VWC2L: variants seen among roughly 807,000 people sequenced by gnomAD.
VWC2L encodes the protein von Willebrand factor C domain-containing protein 2-like.
In VWC2L, 10 loss-of-function variants were observed where a neutral mutation model predicts 21.6. That is an observed-to-expected ratio of 0.46 (90% CI 0.29 to 0.78). The LOEUF (loss-of-function observed/expected upper bound fraction) is 0.78, where lower values mean the gene tolerates loss of function less well. Among genes scored for constraint, VWC2L ranks in the 30% least tolerant of loss-of-function variants. The probability of loss-of-function intolerance (pLI) is 0.10; values close to 1 mark genes in which losing one functional copy is unlikely to be tolerated. For synonymous variants in VWC2L, 96 were observed against 94.3 expected (o/e 1.02, Z -0.10); for missense variants, 209 against 277.1 (o/e 0.75, Z 1.74).
At chr2:214,445,590 A>G (rs1426258933) in intron 3 of VWC2L, among the ~76,000 whole-genome samples, 1 of 151,686 alleles carries the variant, frequency 6.6e-6, no homozygotes, top group Non-Finnish European at 1.5e-5. Flanking sequence ...AAATACATGT[A>G]TAGGAAAAAG....
chr2:214,534,900 AC>A (rs969387356), intron 3 of VWC2L, among the ~76,000 whole-genome samples: 3 of 152,082 alleles, frequency 2.0e-5, no homozygotes, highest in Non-Finnish European at 4.4e-5. Context: ...ATTAGTGAAA[AC>A]AAGGGAAATT....
intron 3 of VWC2L, among the ~76,000 whole-genome samples, chr2:214,474,989 T>C (rs1688489624): frequency 6.6e-6 from 1 of 152,102 alleles, no homozygotes; most frequent in Admixed American, 6.6e-5. Flanking sequence ...CAGAGAGAAT[T>C]AGGAATCTGG....
intron 3 of VWC2L, among the ~76,000 whole-genome samples, chr2:214,563,909 C>T (rs1690020402): frequency 6.6e-6 from 1 of 152,094 alleles, no homozygotes; most frequent in South Asian, 2.1e-4. Flanking sequence ...TGTCTTTGTT[C>T]ACTGATGACA....
At chr2:214,565,272 A>G (rs1559332959) in intron 3 of VWC2L, among the ~76,000 whole-genome samples, 1 of 152,214 alleles carries the variant, frequency 6.6e-6, no homozygotes, top group South Asian at 2.1e-4. Flanking sequence ...AGATATTTAG[A>G]TAAATATCTT....
intron 3 of VWC2L, among the ~76,000 whole-genome samples, chr2:214,512,539 C>G (rs575737303): frequency 6.6e-6 from 1 of 151,998 alleles, no homozygotes; most frequent in Non-Finnish European, 1.5e-5. Context: ...CCTGCACACC[C>G]TGTACATATA....
At chr2:214,502,272 T>C (rs1688904147) in intron 3 of VWC2L, among the ~76,000 whole-genome samples, 1 of 152,044 alleles carries the variant, frequency 6.6e-6, no homozygotes, top group Non-Finnish European at 1.5e-5. Flanking sequence ...ATATAAAGCA[T>C]AGAAAATGAC....
intron 3 of VWC2L, among the ~76,000 whole-genome samples, chr2:214,487,022 T>C (rs1292573760): frequency 6.6e-6 from 1 of 152,292 alleles, no homozygotes; most frequent in Non-Finnish European, 1.5e-5. Flanking sequence ...CCTCAACTAA[T>C]AGGACTGGTG....
At chr2:214,468,025 CT>C (rs945624825) in intron 3 of VWC2L, among the ~76,000 whole-genome samples, 19 of 148,162 alleles carry the variant, frequency 1.3e-4, no homozygotes, top group African/African-American at 1.7e-4. Flanking sequence ...GGTTTTACGT[CT>C]TTTTTTTTTG....
At chr2:214,419,724 C>T (rs982410532) in intron 2 of VWC2L, among the ~76,000 whole-genome samples, 14 of 152,018 alleles carry the variant, frequency 9.2e-5, no homozygotes, top group African/African-American at 2.7e-4. Flanking sequence ...TCGAAAGGTG[C>T]GGTGTGAATA....
At chr2:214,552,495 A>G (rs1689809053) in intron 3 of VWC2L, among the ~76,000 whole-genome samples, 1 of 152,164 alleles carries the variant, frequency 6.6e-6, no homozygotes, top group African/African-American at 2.4e-5. Flanking sequence ...GATAAACTCA[A>G]TGGATGCTTC....
At chr2:214,447,269 C>T (rs1025992602) in intron 3 of VWC2L, among the ~76,000 whole-genome samples, 2 of 152,092 alleles carry the variant, frequency 1.3e-5, no homozygotes, top group Non-Finnish European at 2.9e-5. Context: ...TGCAATACAA[C>T]TCCTCAGTCT....
At chr2:214,573,861 C>T (rs1411028920) in intron 3 of VWC2L, among the ~76,000 whole-genome samples, 1 of 152,188 alleles carries the variant, frequency 6.6e-6, no homozygotes, top group East Asian at 1.9e-4. Flanking sequence ...CAGAACAAGG[C>T]CAGGCGTGGT....
chr2:214,575,787 G>A lies in VWC2L; in HGVS notation c.636G>A (p.Ser212=), dbSNP rs529815362. The change falls in exon 4 of 4, where the codon TCG becomes TCA. Residue 212 remains serine (S), a synonymous_variant. Transcript: ENST00000312504. ...ACTGGTGGAAGCCTGCTCAGTGTTCGAAACGTGAATGCCAAGGCAAGCAGA... is the reference window on the plus strand; with the variant it reads ...ACTGGTGGAAGCCTGCTCAGTGTTCAAAACGTGAATGCCAAGGCAAGCAGA... The part of the protein sequence containing the change: ...NGDWWKPAQC[S]KRECQGKQTV The A allele has an allele frequency of 1.3e-4, 205 of 1,613,390 alleles. 1 individual carries two copies. In the South Asian group the frequency reaches 1.5e-3, roughly 12 times the overall value.
intron 3 of VWC2L, among the ~76,000 whole-genome samples, chr2:214,552,903 AGACTT>A (rs1443076733): frequency 6.6e-6 from 1 of 152,198 alleles, no homozygotes; most frequent in Non-Finnish European, 1.5e-5. Context: ...ACTAAACTCT[AGACTT>A]TTCTCCTAAG....
chr2:214,457,564 T>A (rs1367250996), intron 3 of VWC2L, among the ~76,000 whole-genome samples: 3 of 152,056 alleles, frequency 2.0e-5, no homozygotes, highest in Non-Finnish European at 4.4e-5. Context: ...CTTGTCTTGT[T>A]CCAGTTTTTA....
At chr2:214,452,520 G>C (rs533038790) in intron 3 of VWC2L, among the ~76,000 whole-genome samples, 1 of 152,170 alleles carries the variant, frequency 6.6e-6, no homozygotes, top group South Asian at 2.1e-4. Context: ...TGGACATTTA[G>C]GTTGTTTCTA....
At chr2:214,424,504 C>T (rs1478726099) in intron 2 of VWC2L, among the ~76,000 whole-genome samples, 1 of 152,170 alleles carries the variant, frequency 6.6e-6, no homozygotes, top group Admixed American at 6.5e-5. Flanking sequence ...TCACCTCTTT[C>T]TCTATGTACA....
At chr2:214,520,052 C>G (rs1689207639) in intron 3 of VWC2L, among the ~76,000 whole-genome samples, 1 of 109,194 alleles carries the variant, frequency 9.2e-6, no homozygotes, top group African/African-American at 3.6e-5. Flanking sequence ...ATATTTGCTC[C>G]TGTTATACAC....
Position 214,575,566 on chromosome 2 carries a change from G to C in VWC2L, c.521-106G>C, listed in dbSNP as rs1314301987. ...AATTCCTTGATGATAAGTCAGTAGA[G>C]TAGTCTGACTTACTCATTTATGGCT... On this transcript the variant is annotated intron_variant, in intron 3 of 3. Coordinates refer to ENST00000312504, the MANE Select transcript of VWC2L (RefSeq NM_001080500.4). 75 of 1,225,008 alleles carry C rather than the reference G, an allele frequency of 6.1e-5. 1 individual carries two copies. The highest frequency in any genetic ancestry group is 8.4e-5 in the Non-Finnish European group (73 of 864,396). 75.9% of individuals were successfully genotyped at this position (1,225,008 alleles called of 1,614,324 possible).
Sources: gnomAD v4.1 joint callset for allele counts (sites outside exome capture counted in the v4.1 genomes callset) on GRCh38, gnomAD v4.1.1 for gene constraint, MANE v1.5 for transcripts, NCBI Gene and HGNC (gene_info 2026-07-23, HGNC 2026-07-21) for gene names.